The following NADK2 variants were observed in gnomAD, a reference collection of about 807,000 sequenced individuals.
The protein encoded by NADK2 is NAD kinase domain-containing protein 1, mitochondrial.
NADK2 carries 35 observed loss-of-function variants against 62.1 expected under a neutral mutation model. That is an observed-to-expected ratio of 0.56 (90% CI 0.43 to 0.75). The LOEUF is 0.75. Ranked by LOEUF, NADK2 falls within the 30% of genes least tolerant of loss-of-function variation. The pLI is 0.00. For synonymous variants in NADK2, 205 were observed against 207.9 expected (o/e 0.99, Z 0.12); for missense variants, 439 against 561.3 (o/e 0.78, Z 2.20).
In NADK2 at chr5:36,241,776, A is replaced by G; in HGVS notation, c.23T>C (p.Leu8Ser). MTCYRGFLLGSCCRVAGG... is the reference protein window; with the variant it reads MTCYRGFSLGSCCRVAGG... ...CGCCACGCGACAACAGCTGCCCAGC[A>G]AGAAGCCTCGGTAGCAAGTCATCGT... The change falls in exon 1 of 12, where the codon TTG becomes TCG. Residue 8 changes from leucine to serine, a missense_variant. Leu to Ser is a moderately radical substitution (Grantham distance 145). Transcript: ENST00000381937. The surrounding 1 kb of genome is among the most constrained non-coding windows in gnomAD (Gnocchi z 4.9). 1 of 1,339,988 alleles carries G rather than the reference A, an allele frequency of 7.5e-7. No individual in the cohort carries two copies. The highest frequency in any genetic ancestry group is 9.6e-7 in the Non-Finnish European group (1 of 1,040,438). The allele number at this position is 1,339,988 out of a possible 1,614,324, so 83.0% of individuals were successfully genotyped here.
rs1349138768 is a variant in NADK2 at position 36,241,543 on chromosome 5, G to C, written c.256C>G (p.Arg86Gly). 1 of 1,568,592 alleles carries C rather than the reference G, an allele frequency of 6.4e-7. No individual in the cohort carries two copies. Among genetic ancestry groups the C allele is most frequent in the Non-Finnish European group, 8.6e-7 (1 of 1,166,364 alleles). ...TCCGAGAGCTCCGCGTAACGGTACC[G>C]CTGCTGCTCGAACTCGTACCGGGTG... ...KTTRYEFEQQ[R>G]YRYAELSEED... Residue 86 changes from arginine to glycine, a missense_variant, in exon 1 of 12, where the codon CGG (arginine) becomes GGG (glycine). Physicochemically the swap from Arg to Gly is moderately radical, Grantham distance 125. Coordinates refer to ENST00000381937, the MANE Select transcript of NADK2 (RefSeq NM_001085411.3). This position sits in a 1 kb window ranked among gnomAD's most constrained non-coding sequence, Gnocchi z 4.9.
intron 4 of NADK2, among the ~76,000 whole-genome samples, chr5:36,223,872 G>A (rs1309370279): frequency 6.6e-6 from 1 of 152,096 alleles, no homozygotes; most frequent in East Asian, 1.9e-4. Flanking sequence ...TGAAAAACAG[G>A]AGTCTTGAAC....
intron 1 of NADK2, among the ~76,000 whole-genome samples, chr5:36,236,867 C>CAAAAAA (rs5867308): frequency 1.0e-5 from 1 of 95,700 alleles, no homozygotes. Context: ...AGCTTAACCT[C>CAAAAAA]AAAAAAAAAA....
At chr5:36,196,534 T>C (rs969997924) in intron 11 of NADK2, among the ~76,000 whole-genome samples, 19 of 152,136 alleles carry the variant, frequency 1.2e-4, no homozygotes, top group African/African-American at 4.1e-4. Flanking sequence ...TATGAGCCCA[T>C]TGCTGGATAT....
At chr5:36,196,940 T>C (rs1746253439) in intron 11 of NADK2, among the ~76,000 whole-genome samples, 1 of 152,062 alleles carries the variant, frequency 6.6e-6, no homozygotes, top group Non-Finnish European at 1.5e-5. Context: ...GTTAATTGCT[T>C]AAGCTGTTTT....
intron 1 of NADK2, among the ~76,000 whole-genome samples, chr5:36,233,560 C>T (rs554826610): frequency 5.9e-5 from 9 of 152,214 alleles, no homozygotes; most frequent in East Asian, 1.9e-4. Context: ...CACAATTTAA[C>T]GATCACAGCC....
At position 36,238,115 on chromosome 5, in the gene NADK2, C is replaced by T. The variant is rs1747975299; in HGVS notation, c.300+3384G>A. On this transcript the variant is annotated intron_variant, in intron 1 of 11. Transcript: ENST00000381937. ...CATGCTCTTTAATTTGATTAACAAT[C>T]ATATTGTATGTAATATACTTATTGC... is the stretch of plus-strand genomic sequence containing the variant. Among the ~76,000 whole-genome samples, 5 of 152,188 alleles carry T rather than the reference C, an allele frequency of 3.3e-5. No individual in the cohort carries two copies. The South Asian group carries it at 1.0e-3, about 31-fold the overall frequency.
rs16902811 is a variant in NADK2 at position 36,200,060 on chromosome 5, G to C, written c.1066+167C>G. Among the ~76,000 whole-genome samples, 6,878 of 151,934 alleles carry C rather than the reference G, an allele frequency of 0.045. 515 individuals carry two copies. Among genetic ancestry groups the C allele is most frequent in the African/African-American group, 0.16 (6,483 of 41,428 alleles). On this transcript the variant is annotated intron_variant, in intron 10 of 11. Transcript: ENST00000381937. ...GGGTTGACTAAAAATCACAACAAAA[G>C]TCCAACTTTAATCTTTATGTTGCTT...
At chr5:36,222,601 G>A (rs1747314211) in intron 4 of NADK2, among the ~76,000 whole-genome samples, 1 of 152,204 alleles carries the variant, frequency 6.6e-6, no homozygotes, top group African/African-American at 2.4e-5. Context: ...AATGTATCCT[G>A]AAGGTCATGG....
chr5:36,197,931 T>G (rs1746294007), intron 10 of NADK2, among the ~76,000 whole-genome samples: 1 of 151,280 alleles, frequency 6.6e-6, no homozygotes, highest in Non-Finnish European at 1.5e-5. Context: ...AAGAAAAAAA[T>G]AAAAAACACT....
In NADK2 at chr5:36,241,692, C is replaced by T. The variant is rs2112225079; in HGVS notation, c.107G>A (p.Arg36Gln). ...CCGGCCGCCACCGTCACCGCCCAGCCGGGGCCGCGCGGCGGGGCCTCCCGC... is the reference window on the plus strand; with the variant it reads ...CCGGCCGCCACCGTCACCGCCCAGCTGGGGCCGCGCGGCGGGGCCTCCCGC... ...PGAGGPAARP[R>Q]LGGDGGGRRH... The change falls in exon 1 of 12, where the codon CGG becomes CAG. Residue 36 changes from arginine to glutamine, a missense_variant. Coordinates refer to ENST00000381937, the MANE Select transcript of NADK2 (RefSeq NM_001085411.3). The surrounding 1 kb of genome is among the most constrained non-coding windows in gnomAD (Gnocchi z 4.9). 1.8e-6 allele frequency: 2 copies of T among 1,134,380 alleles called. No homozygotes were observed. The highest frequency in any genetic ancestry group is 2.2e-6 in the Non-Finnish European group (2 of 929,632). 70.3% of individuals were successfully genotyped at this position (1,134,380 alleles called of 1,614,324 possible). A position where few individuals can be genotyped will look rare whatever the true frequency, so the allele number is the denominator to read the frequency against.
intron 8 of NADK2, among the ~76,000 whole-genome samples, chr5:36,206,071 C>T (rs1746623490): frequency 6.6e-6 from 1 of 152,012 alleles, no homozygotes; most frequent in Admixed American, 6.6e-5. Context: ...CATGTTCTCA[C>T]TCATAAGTAG....
chr5:36,230,719 A>G (rs1427687818), intron 1 of NADK2, among the ~76,000 whole-genome samples: 6 of 152,240 alleles, frequency 3.9e-5, no homozygotes, highest in Non-Finnish European at 5.9e-5. Context: ...TTACTATAGT[A>G]TATTATTTTG....
intron 5 of NADK2, 54 bp from the exon 6 acceptor site, chr5:36,217,938 T>A: frequency 6.7e-7 from 1 of 1,495,476 alleles, no homozygotes; most frequent in Non-Finnish European, 9.1e-7. Context: ...AATTAAAGAG[T>A]AGACATTATA....
intron 4 of NADK2, among the ~76,000 whole-genome samples, chr5:36,223,614 A>G (rs1288588233): frequency 6.6e-6 from 1 of 152,214 alleles, no homozygotes; most frequent in Non-Finnish European, 1.5e-5. Context: ...TTAGCACCAA[A>G]ACTTCCCAGA....
chr5:36,209,737 TTACTA>T (rs558452166), intron 7 of NADK2, among the ~76,000 whole-genome samples: 27 of 152,150 alleles, frequency 1.8e-4, no homozygotes, highest in Non-Finnish European at 3.1e-4. Context: ...TTTTTATACT[TTACTA>T]TACTTTTAAC....
intron 11 of NADK2, among the ~76,000 whole-genome samples, chr5:36,196,598 T>C (rs535077674): frequency 5.3e-5 from 8 of 152,278 alleles, no homozygotes; most frequent in African/African-American, 1.2e-4. Flanking sequence ...AATGGTATCT[T>C]TGGATTACTG....
At chr5:36,240,058 G>T (rs936517007) in intron 1 of NADK2, among the ~76,000 whole-genome samples, 28 of 152,150 alleles carry the variant, frequency 1.8e-4, no homozygotes, top group African/African-American at 6.5e-4. Flanking sequence ...TGCAAAATTA[G>T]TACAACCCAA....
intron 2 of NADK2, among the ~76,000 whole-genome samples, chr5:36,227,053 T>A (rs960060290): frequency 2.6e-5 from 4 of 152,220 alleles, no homozygotes; most frequent in African/African-American, 9.6e-5. Flanking sequence ...GACTCTCTTG[T>A]ACACATATAA....
Sources: allele counts gnomAD v4.1 joint callset (sites outside exome capture counted in the v4.1 genomes callset), GRCh38; gene constraint gnomAD v4.1.1; non-coding constraint Gnocchi (gnomAD v3.1); transcripts MANE v1.5; gene names NCBI Gene and HGNC (gene_info 2026-07-23, HGNC 2026-07-21).